Variants in MAF observed in about 807,000 individuals in gnomAD.
MAF encodes the protein transcription factor Maf.
Under a neutral mutation model 22.0 loss-of-function variants are expected in MAF, and 10 were observed. The observed-to-expected ratio is 0.45, with a 90% CI of 0.28 to 0.77. The LOEUF (loss-of-function observed/expected upper bound fraction) is 0.77. Ranked by LOEUF, MAF falls within the 30% of genes least tolerant of loss-of-function variation. The probability of loss-of-function intolerance (pLI) is 0.12; values close to 1 mark genes in which losing one functional copy is unlikely to be tolerated. For synonymous variants in MAF, 337 were observed against 255.8 expected, an observed-to-expected ratio of 1.32 and a Z score of -3.03; for missense variants, 544 against 548.4, an observed-to-expected ratio of 0.99 and a Z score of 0.08.
the MAF span, among the ~76,000 whole-genome samples, chr16:79,535,357 T>C: frequency 2.0e-5 from 3 of 151,422 alleles, no homozygotes; most frequent in Admixed American, 6.6e-5. Context: ...TAGGCAATCA[T>C]GTACTAACTT....
At chr16:79,536,716 C>CT in the MAF span, among the ~76,000 whole-genome samples, 1 of 152,120 alleles carries the variant, frequency 6.6e-6, no homozygotes, top group African/African-American at 2.4e-5. Context: ...ACATAGAGAA[C>CT]TTTTTTTCCC....
chr16:79,511,392 G>A, the MAF span, among the ~76,000 whole-genome samples: 1 of 152,158 alleles, frequency 6.6e-6, no homozygotes, highest in African/African-American at 2.4e-5. Context: ...TTACTTATAT[G>A]AGAGTCCAAA....
the MAF span, among the ~76,000 whole-genome samples, chr16:79,443,535 A>C: frequency 6.6e-6 from 1 of 152,218 alleles, no homozygotes; most frequent in Non-Finnish European, 1.5e-5. Flanking sequence ...ATGCCTTATG[A>C]GGGTTGATTT....
the MAF span, among the ~76,000 whole-genome samples, chr16:79,421,455 G>A: frequency 1.2e-4 from 18 of 152,196 alleles, no homozygotes; most frequent in Admixed American, 3.9e-4. Flanking sequence ...ACAATGTCAT[G>A]TAGTTGGATT....
At chr16:79,493,436 T>A in the MAF span, among the ~76,000 whole-genome samples, 1 of 152,196 alleles carries the variant, frequency 6.6e-6, no homozygotes, top group African/African-American at 2.4e-5. Context: ...CACCTCAGCA[T>A]CCGAAAGTGC....
At chr16:79,274,103 C>T in the MAF span, among the ~76,000 whole-genome samples, 2 of 151,858 alleles carry the variant, frequency 1.3e-5, no homozygotes, top group Non-Finnish European at 2.9e-5. Flanking sequence ...TACAGGTATG[C>T]GCCACCATGA....
chr16:79,492,966 T>G, the MAF span, among the ~76,000 whole-genome samples: 1 of 45,890 alleles, frequency 2.2e-5, no homozygotes, highest in Non-Finnish European at 7.2e-5. Flanking sequence ...TTTCTTTTTC[T>G]TTTTTTTTTG....
At chr16:79,355,420 G>C in the MAF span, among the ~76,000 whole-genome samples, 1 of 152,206 alleles carries the variant, frequency 6.6e-6, no homozygotes, top group African/African-American at 2.4e-5. Flanking sequence ...TCAAAGGACA[G>C]TTAAAGAGAA....
At chr16:79,311,395 G>C in the MAF span, among the ~76,000 whole-genome samples, 65 of 151,878 alleles carry the variant, frequency 4.3e-4, 2 homozygotes, top group East Asian at 8.1e-3. Flanking sequence ...GCGACCCTTT[G>C]GGGCTAATGT....
chr16:79,244,348 G>C, the MAF span, among the ~76,000 whole-genome samples: 1 of 152,084 alleles, frequency 6.6e-6, no homozygotes, highest in Non-Finnish European at 1.5e-5. Flanking sequence ...TCCTTAAGCA[G>C]ATAAGCAACT....
At chr16:79,263,709 C>A in the MAF span, among the ~76,000 whole-genome samples, 2 of 149,624 alleles carry the variant, frequency 1.3e-5, no homozygotes, top group African/African-American at 2.5e-5. Flanking sequence ...GTCTCCTCAA[C>A]CTTACTTTCC....
the MAF span, among the ~76,000 whole-genome samples, chr16:79,319,196 G>A: frequency 6.6e-6 from 1 of 152,120 alleles, no homozygotes; most frequent in Non-Finnish European, 1.5e-5. Context: ...GTGGGGGGAG[G>A]TCCCCTTCTA....
the MAF span, among the ~76,000 whole-genome samples, chr16:79,302,848 G>A: frequency 1.8e-4 from 28 of 152,230 alleles, no homozygotes; most frequent in African/African-American, 4.8e-4. Flanking sequence ...GTTGTCAAAT[G>A]AGAAATGCAA....
At chr16:79,361,880 G>A in the MAF span, among the ~76,000 whole-genome samples, 1 of 152,174 alleles carries the variant, frequency 6.6e-6, no homozygotes, top group African/African-American at 2.4e-5. Context: ...AGAAAGGAAA[G>A]GAAAGGAGCA....
chr16:79,317,112 C>T, the MAF span, among the ~76,000 whole-genome samples: 1 of 150,664 alleles, frequency 6.6e-6, no homozygotes, highest in Non-Finnish European at 1.5e-5. Flanking sequence ...CTCCATTTTC[C>T]TTCCCTCTCT....
intron 1 of MAF, chr16:79,597,905 A>G: frequency 9.6e-7 from 1 of 1,038,212 alleles, no homozygotes; most frequent in Non-Finnish European, 1.2e-6. Flanking sequence ...GCATGAGATG[A>G]GAATGAGTTT....
At chr16:79,279,473 T>A in the MAF span, among the ~76,000 whole-genome samples, 4 of 152,220 alleles carry the variant, frequency 2.6e-5, no homozygotes, top group African/African-American at 7.2e-5. Context: ...TGAGTAGCTG[T>A]GGGGAATGGG....
the MAF span, among the ~76,000 whole-genome samples, chr16:79,211,185 G>T: frequency 6.6e-6 from 1 of 152,086 alleles, no homozygotes; most frequent in African/African-American, 2.4e-5. Context: ...AAGAGTGGTT[G>T]GTTTGTCAGA....
chr16:79,212,256 A>ATTGT, the MAF span: 10 of 1,306,720 alleles, frequency 7.7e-6, no homozygotes, highest in Admixed American at 2.9e-5. Flanking sequence ...CCAGGAGATA[A>ATTGT]TTGTTTCATT....
Sources: allele counts gnomAD v4.1 joint callset (sites outside exome capture counted in the v4.1 genomes callset), GRCh38; gene constraint gnomAD v4.1.1; transcripts MANE v1.5; gene names NCBI Gene and HGNC (gene_info 2026-07-23, HGNC 2026-07-21).